The following ATP11A variants were observed in gnomAD, a reference collection of about 807,000 sequenced individuals.
The protein encoded by ATP11A is phospholipid-transporting ATPase IH.
ATP11A carries 81 observed loss-of-function variants against 154.4 expected under a neutral mutation model. The ratio of observed to expected loss-of-function variants is 0.52; its 90% CI spans 0.44 to 0.63. The LOEUF is 0.63. Among genes scored for constraint, ATP11A ranks in the 30% least tolerant of loss-of-function variants. ATP11A has a pLI of 0.00. For missense variants in ATP11A, 1,316 were observed against 1,474.3 expected, an observed-to-expected ratio of 0.89 and a Z score of 1.76; for synonymous variants, 623 against 585.9, an observed-to-expected ratio of 1.06 and a Z score of -0.91.
chr13:112,817,074 C>T (rs962581328), intron 6 of ATP11A, among the ~76,000 whole-genome samples: 1 of 152,152 alleles, frequency 6.6e-6, no homozygotes, highest in African/African-American at 2.4e-5. Flanking sequence ...GTTGATGCTA[C>T]AAGAATTTTA....
intron 1 of ATP11A, among the ~76,000 whole-genome samples, chr13:112,742,275 G>T (rs1410192437): frequency 6.6e-6 from 1 of 152,202 alleles, no homozygotes; most frequent in Non-Finnish European, 1.5e-5. Flanking sequence ...GAACCCTTGG[G>T]GGGTGGGGGA....
At chr13:112,776,944 T>C (rs180993510) in intron 1 of ATP11A, among the ~76,000 whole-genome samples, 66 of 152,294 alleles carry the variant, frequency 4.3e-4, no homozygotes, top group Middle Eastern at 3.4e-3. Flanking sequence ...CTGAGATTAA[T>C]ATCTGACCAA....
chr13:112,803,840 T>C (rs1173550455), intron 2 of ATP11A, among the ~76,000 whole-genome samples: 34 of 73,750 alleles, frequency 4.6e-4, no homozygotes, highest in African/African-American at 1.6e-3. Flanking sequence ...CTCCTCCTCC[T>C]TCCTCTCCTT....
intron 24 of ATP11A, among the ~76,000 whole-genome samples, chr13:112,860,972 C>T (rs1288671044): frequency 6.6e-6 from 1 of 152,032 alleles, no homozygotes; most frequent in East Asian, 1.9e-4. Flanking sequence ...GAAGACATAC[C>T]TGAGACTGGG....
Position 112,871,736 on chromosome 13 carries a change from TA to T in ATP11A, c.2994del (p.Phe999LeufsTer13). On this transcript the variant is annotated frameshift_variant and splice_region_variant, in exon 26 of 30. Coordinates refer to ENST00000375645, the MANE Select transcript of ATP11A (RefSeq NM_015205.3). ...ENTTVTSNGQIFGNWTFGTLV... is the reference protein window; with the variant it reads ...ENTTVTSNGQXFGNWTFGTLV... Reference sequence around the variant, plus strand: ...ACTTGGACTATTTTCCCCAAACAGATATTTGGAAACTGGACGTTTGGAACGC... The same window carrying T: ...ACTTGGACTATTTTCCCCAAACAGATTTTGGAAACTGGACGTTTGGAACGC... The T allele has an allele frequency of 6.2e-7, 1 of 1,613,626 alleles. No individual in the cohort carries two copies. The highest frequency in any genetic ancestry group is 8.5e-7 in the Non-Finnish European group (1 of 1,179,576).
chr13:112,721,420 C>T (rs1376118122), intron 1 of ATP11A, among the ~76,000 whole-genome samples: 1 of 152,184 alleles, frequency 6.6e-6, no homozygotes, highest in South Asian at 2.1e-4. Flanking sequence ...TGTTCTCTTG[C>T]GTGTGCATTT....
At chr13:112,852,525 G>A (rs1461103007) in intron 18 of ATP11A, among the ~76,000 whole-genome samples, 4 of 152,180 alleles carry the variant, frequency 2.6e-5, no homozygotes, top group East Asian at 1.9e-4. Flanking sequence ...GCAGGGCCAC[G>A]GCCGCCGAAA....
intron 1 of ATP11A, among the ~76,000 whole-genome samples, chr13:112,702,298 A>T (rs1044549865): frequency 1.4e-5 from 2 of 146,312 alleles, no homozygotes; most frequent in African/African-American, 5.0e-5. Context: ...GTGAGCCGAG[A>T]TCGCACCTTT....
At chr13:112,826,978 G>A (rs371622425) in intron 12 of ATP11A, 87 bp downstream of exon 12, 13 of 1,384,686 alleles carry the variant, frequency 9.4e-6, no homozygotes, top group African/African-American at 2.9e-5. Flanking sequence ...CCTGTCATCC[G>A]AGCGTGGCTG....
intron 5 of ATP11A, among the ~76,000 whole-genome samples, chr13:112,813,313 G>T (rs1032757652): frequency 1.9e-4 from 29 of 152,286 alleles, no homozygotes; most frequent in African/African-American, 6.3e-4. Context: ...CGGATGTGCT[G>T]CCCAGCTCTA....
chr13:112,815,993 A>T, intron 5 of ATP11A, 90 bp from the exon 6 acceptor site: 1 of 1,558,970 alleles, frequency 6.4e-7, no homozygotes, highest in Non-Finnish European at 8.8e-7. Context: ...CTGTGAATAG[A>T]TGAGCAGCTT....
At chr13:112,842,507 C>A in intron 17 of ATP11A, 128 bp downstream of exon 17, 2 of 801,906 alleles carry the variant, frequency 2.5e-6, no homozygotes, top group South Asian at 1.6e-5. Context: ...TAGAAATCAG[C>A]TGGGCCAGAG....
chr13:112,791,327 C>T (rs1196628874), intron 2 of ATP11A, among the ~76,000 whole-genome samples: 1 of 152,220 alleles, frequency 6.6e-6, no homozygotes, highest in African/African-American at 2.4e-5. Flanking sequence ...CGGATGGGGG[C>T]CGTGAAGGCA....
At chr13:112,736,660 T>C (rs191591856) in intron 1 of ATP11A, among the ~76,000 whole-genome samples, 55 of 152,290 alleles carry the variant, frequency 3.6e-4, no homozygotes, top group Admixed American at 1.5e-3. Context: ...AGTGTGCAGG[T>C]TTTCTATATT....
rs1270743507 is a variant in ATP11A, at chr13:112,844,813, G to A, written c.1809+2434G>A. ...TGCCGGGTGTTAGTGGTACTAACCA[G>A]TCCAGTTGCCGGGTGTTAGTGGTAC... On this transcript the variant is annotated intron_variant, in intron 17 of 29. Coordinates refer to ENST00000375645, the MANE Select transcript of ATP11A (RefSeq NM_015205.3). 1.9e-4 allele frequency among the ~76,000 whole-genome samples: 29 copies of A among 151,432 alleles called. 1 individual carries two copies. Among genetic ancestry groups the A allele is most frequent in the South Asian group, 6.3e-4 (3 of 4,776 alleles).
chr13:112,812,267 T>TC lies in ATP11A; in HGVS notation c.441+1546dup, dbSNP rs1213190716. The TC allele has an allele frequency of 2.0e-5, 3 of 152,340 alleles. No individual in the cohort carries two copies. The East Asian group carries it at 5.8e-4, about 29-fold the overall frequency. The allele number at this position is 152,340 out of a possible 1,614,324, so 9.4% of individuals were successfully genotyped here. On this transcript the variant is annotated intron_variant, in intron 5 of 29. Coordinates refer to ENST00000375645, the MANE Select transcript of ATP11A (RefSeq NM_015205.3). ...GGTAGCGGTCAGCAGCCTGCTCCAG[T>TC]CCCCCATCTGATGTGGATCTAGGTG...
chr13:112,818,196 G>A (rs1353854368), intron 6 of ATP11A, among the ~76,000 whole-genome samples: 1 of 149,252 alleles, frequency 6.7e-6, no homozygotes, highest in Non-Finnish European at 1.5e-5. Flanking sequence ...GGTGCGCTTG[G>A]TGACGGGCAG....
intron 17 of ATP11A, 134 bp from the exon 18 acceptor site, chr13:112,850,903 G>GT: frequency 1.3e-6 from 1 of 759,302 alleles, no homozygotes. Context: ...ACTTAGTACT[G>GT]TAAGTTTTGA....
Position 112,832,966 on chromosome 13 carries a change from C to G in ATP11A, c.1502C>G (p.Ser501Cys). The G allele has an allele frequency of 1.2e-6, 2 of 1,613,872 alleles. No homozygotes were observed. The highest frequency in any genetic ancestry group is 1.7e-6 in the Non-Finnish European group (2 of 1,179,902). ...GPRKSPDGGKSCVYISSSPDE... is the reference protein window; with the variant it reads ...GPRKSPDGGKCCVYISSSPDE... ...AGGAAATCGCCGGACGGGGGGAAAT[C>G]CTGTGTGTACATCTCATCCTCGCCC... The change falls in exon 14 of 30, where the codon TCC becomes TGC. Residue 501 changes from serine (S) to cysteine (C), a missense_variant. By Grantham distance (112) the Ser-to-Cys change is moderately radical (BLOSUM62 -1). Coordinates refer to ENST00000375645, the MANE Select transcript of ATP11A (RefSeq NM_015205.3).
Sources: gnomAD v4.1 joint callset for allele counts (sites outside exome capture counted in the v4.1 genomes callset) on GRCh38, gnomAD v4.1.1 for gene constraint, MANE v1.5 for transcripts, NCBI Gene and HGNC (gene_info 2026-07-23, HGNC 2026-07-21) for gene names.